Variants in PDZRN4 observed in about 807,000 individuals in gnomAD.
The protein encoded by PDZRN4 is PDZ domain-containing RING finger protein 4.
In PDZRN4, 70 loss-of-function variants were observed where a neutral mutation model predicts 99.0. The ratio of observed to expected loss-of-function variants is 0.71; its 90% CI spans 0.58 to 0.86. The LOEUF (loss-of-function observed/expected upper bound fraction) is 0.86. PDZRN4 is among the 40% of genes least tolerant of loss of function. PDZRN4 has a pLI of 0.00. For synonymous variants in PDZRN4, 551 were observed against 501.6 expected (o/e 1.10, Z -1.32); for missense variants, 1,474 against 1,331.2 (o/e 1.11, Z -1.67).
chr12:41,517,885 A>G (rs1938429839), intron 5 of PDZRN4, among the ~76,000 whole-genome samples: 1 of 152,090 alleles, frequency 6.6e-6, no homozygotes, highest in Admixed American at 6.6e-5. Flanking sequence ...ATCAAGTAGC[A>G]CACCTCTCCG....
intron 5 of PDZRN4, among the ~76,000 whole-genome samples, chr12:41,551,512 A>T (rs1939056245): frequency 6.6e-6 from 1 of 152,250 alleles, no homozygotes; most frequent in South Asian, 2.1e-4. Flanking sequence ...GTTTTACAAA[A>T]ATCTCTGTGC....
chr12:41,208,988 AGTGCTTAACAT>A (rs1253257501), intron 3 of PDZRN4, among the ~76,000 whole-genome samples: 1 of 151,970 alleles, frequency 6.6e-6, no homozygotes, highest in Non-Finnish European at 1.5e-5. Context: ...AAGTTAAGAA[AGTGCTTAACAT>A]GGTTAATTTC....
Position 41,236,488 on chromosome 12 carries a change from T to A in PDZRN4, c.843+42300T>A, listed in dbSNP as rs11180400. ...GTCATGTTGGTGCCTGTTTTAGGATTTTATAGAAGGAGAAGAAGATAAGGC... is the reference window on the plus strand; with the variant it reads ...GTCATGTTGGTGCCTGTTTTAGGATATTATAGAAGGAGAAGAAGATAAGGC... On this transcript the variant is annotated intron_variant, in intron 3 of 9. Coordinates refer to ENST00000402685, the MANE Select transcript of PDZRN4 (RefSeq NM_001164595.2). 9.6e-3 allele frequency among the ~76,000 whole-genome samples: 1,455 copies of A among 152,030 alleles called. 20 individuals are homozygous for A. The highest frequency in any genetic ancestry group is 0.029 in the African/African-American group (1,210 of 41,474).
chr12:41,289,205 A>G (rs1440921367), intron 3 of PDZRN4, among the ~76,000 whole-genome samples: 2 of 152,214 alleles, frequency 1.3e-5, no homozygotes, highest in Non-Finnish European at 2.9e-5. Context: ...TATTAAGTTC[A>G]TGCTCATCCA....
chr12:41,302,782 C>T (rs561527265), intron 3 of PDZRN4, among the ~76,000 whole-genome samples: 59 of 152,038 alleles, frequency 3.9e-4, no homozygotes, highest in Admixed American at 3.3e-3. Flanking sequence ...ATTTTGCACT[C>T]CTCCCCCATC....
At chr12:41,400,139 A>G (rs1952279745) in intron 3 of PDZRN4, among the ~76,000 whole-genome samples, 1 of 152,214 alleles carries the variant, frequency 6.6e-6, no homozygotes, top group Admixed American at 6.5e-5. Flanking sequence ...AGAGCAATAC[A>G]CAATACATCT....
At chr12:41,287,148 C>T (rs1027640778) in intron 3 of PDZRN4, among the ~76,000 whole-genome samples, 6 of 152,118 alleles carry the variant, frequency 3.9e-5, no homozygotes, top group Admixed American at 2.0e-4. Flanking sequence ...TATAAAACTG[C>T]AATTTAAACT....
intron 1 of PDZRN4, 60 bp downstream of exon 1, chr12:41,189,163 T>C (rs1032944504): frequency 1.8e-5 from 26 of 1,476,244 alleles, no homozygotes; most frequent in Non-Finnish European, 2.4e-5. Flanking sequence ...AAGGAGCGGT[T>C]CTTTCTGACG....
In PDZRN4 at chr12:41,421,498, G is replaced by A. The variant is rs114259902; in HGVS notation, c.844-84958G>A. ...ATGAGCCACCGTGCCCAGCCTATTT[G>A]TATCTTTTTGTTTAGGACTCTTGGA... On this transcript the variant is annotated intron_variant, in intron 3 of 9. Coordinates refer to ENST00000402685, the MANE Select transcript of PDZRN4 (RefSeq NM_001164595.2). 6.0e-3 allele frequency among the ~76,000 whole-genome samples: 910 copies of A among 152,142 alleles called. 11 individuals are homozygous for A. The highest frequency in any genetic ancestry group is 0.021 in the African/African-American group (867 of 41,550).
At chr12:41,391,363 AG>A (rs1952210439) in intron 3 of PDZRN4, among the ~76,000 whole-genome samples, 1 of 152,308 alleles carries the variant, frequency 6.6e-6, no homozygotes, top group South Asian at 2.1e-4. Flanking sequence ...ATTCCCTTCC[AG>A]GGAGGAACAA....
At chr12:41,322,233 G>A (rs1428383101) in intron 3 of PDZRN4, among the ~76,000 whole-genome samples, 1 of 151,882 alleles carries the variant, frequency 6.6e-6, no homozygotes, top group Non-Finnish European at 1.5e-5. Flanking sequence ...GTTTCACCCT[G>A]TTGGCTAGGC....
intron 3 of PDZRN4, among the ~76,000 whole-genome samples, chr12:41,505,806 C>A (rs1260506423): frequency 6.6e-6 from 1 of 151,766 alleles, no homozygotes; most frequent in African/African-American, 2.4e-5. Context: ...TTGCTTCTTT[C>A]AGTGAATATA....
intron 8 of PDZRN4, among the ~76,000 whole-genome samples, chr12:41,566,005 G>C (rs1939364577): frequency 6.6e-6 from 1 of 152,130 alleles, no homozygotes; most frequent in Non-Finnish European, 1.5e-5. Context: ...GTACATCTAG[G>C]TAGAAAGGGG....
intron 3 of PDZRN4, among the ~76,000 whole-genome samples, chr12:41,395,326 T>G (rs1952239058): frequency 6.6e-6 from 1 of 152,192 alleles, no homozygotes; most frequent in Admixed American, 6.5e-5. Context: ...ACATTCCTGT[T>G]TAAAAATGGG....
At chr12:41,268,864 G>A (rs1314120915) in intron 3 of PDZRN4, among the ~76,000 whole-genome samples, 1 of 152,144 alleles carries the variant, frequency 6.6e-6, no homozygotes, top group Non-Finnish European at 1.5e-5. Context: ...ACAAATCATT[G>A]AAGGATAAAA....
intron 3 of PDZRN4, among the ~76,000 whole-genome samples, chr12:41,406,922 G>T (rs1952354928): frequency 6.6e-6 from 1 of 151,384 alleles, no homozygotes; most frequent in Admixed American, 6.6e-5. Context: ...TGTGTGTGTG[G>T]CACCAACAAA....
chr12:41,523,883 G>C (rs1409773188), intron 5 of PDZRN4, among the ~76,000 whole-genome samples: 1 of 152,096 alleles, frequency 6.6e-6, no homozygotes, highest in Admixed American at 6.6e-5. Context: ...TCATTTTTAA[G>C]CCACTTTATA....
chr12:41,370,890 T>C (rs1952036702), intron 3 of PDZRN4, among the ~76,000 whole-genome samples: 1 of 151,696 alleles, frequency 6.6e-6, no homozygotes, highest in South Asian at 2.1e-4. Flanking sequence ...CCTTTTATTT[T>C]TTACGTTATT....
chr12:41,225,141 T>C (rs947887615), intron 3 of PDZRN4, among the ~76,000 whole-genome samples: 1 of 152,180 alleles, frequency 6.6e-6, no homozygotes, highest in Non-Finnish European at 1.5e-5. Flanking sequence ...TTCACATTTT[T>C]ATCAAGAAAT....
Sources: gnomAD v4.1 joint callset for allele counts (sites outside exome capture counted in the v4.1 genomes callset) on GRCh38, gnomAD v4.1.1 for gene constraint, MANE v1.5 for transcripts, NCBI Gene and HGNC (gene_info 2026-07-23, HGNC 2026-07-21) for gene names.